MKI67: variants seen among roughly 807,000 people sequenced by gnomAD.
MKI67 encodes marker of proliferation Ki-67.
A neutral mutation model predicts 233.5 loss-of-function variants in MKI67; 152 were observed. That is an observed-to-expected ratio of 0.65 (90% CI 0.57 to 0.74). The LOEUF (loss-of-function observed/expected upper bound fraction) is 0.74. Ranked by LOEUF, MKI67 falls within the 30% of genes least tolerant of loss-of-function variation. The probability of loss-of-function intolerance (pLI) is 0.00; values close to 1 mark genes in which losing one functional copy is unlikely to be tolerated. For synonymous variants in MKI67, 1,465 were observed against 1,418.5 expected, an observed-to-expected ratio of 1.03 and a Z score of -0.74; for missense variants, 3,940 against 3,885.2, an observed-to-expected ratio of 1.01 and a Z score of -0.37.
Position 128,115,532 on chromosome 10 carries a change from T to C in MKI67, c.876A>G (p.Ser292=), listed in dbSNP as rs1216236880. ...GGCCGCTCCCACCAGATTTTGGTCT[T>C]GACTTACGCGAGACCAACAGTTGGG... ...GETQLLVSRK[S]RPKSGGSGHA... is the part of the protein sequence containing the mutation. The change falls in exon 7 of 15, where the codon TCA becomes TCG. Residue 292 remains serine (S), a synonymous_variant. Coordinates refer to ENST00000368654, the MANE Select transcript of MKI67 (RefSeq NM_002417.5). The C allele has an allele frequency of 1.9e-6, 3 of 1,614,146 alleles. No homozygotes were observed. Among genetic ancestry groups the C allele is most frequent in the Non-Finnish European group, 2.5e-6 (3 of 1,180,058 alleles).
Position 128,126,116 on chromosome 10 carries a change from G to T in MKI67, c.-107C>A, listed in dbSNP as rs115814414. 2,885 of 164,160 alleles carry T rather than the reference G, an allele frequency of 0.018. 94 individuals are homozygous for T. The highest frequency in any genetic ancestry group is 0.066 in the African/African-American group (2,762 of 41,644). 10.2% of individuals were successfully genotyped at this position (164,160 alleles called of 1,614,324 possible). ...CAGCTCACCTGGGACGATCCGGCCCGCAAGGCCACTTGTCGAACCACCGCT... is the reference window on the plus strand; with the variant it reads ...CAGCTCACCTGGGACGATCCGGCCCTCAAGGCCACTTGTCGAACCACCGCT... On this transcript the variant is annotated 5_prime_UTR_variant, in exon 1 of 15. Transcript: ENST00000368654.
chr10:128,105,329 C>T lies in MKI67; in HGVS notation c.6511G>A (p.Ala2171Thr), dbSNP rs371470223. ...RETAKQKLDP[A>T]ASVTGSKRQP... The stretch of plus-strand genomic sequence containing the variant: ...CTCTTGCTACCAGTTACACTTGCTG[C>T]TGGGTCCAGTTTCTGTTTTGCAGTT... Residue 2171 changes from alanine to threonine, a missense_variant, in exon 13 of 15, where the codon GCA becomes ACA. Ala to Thr is a moderately conservative substitution (Grantham distance 58, BLOSUM62 0). Transcript: ENST00000368654. 7 of 1,614,178 alleles carry T rather than the reference C, an allele frequency of 4.3e-6. No individual in the cohort carries two copies. The highest frequency in any genetic ancestry group is 5.1e-6 in the Non-Finnish European group (6 of 1,180,044).
rs1380337884 is a variant in MKI67 at position 128,115,721 on chromosome 10, A to G, written c.687T>C (p.Asn229=). ...AAAAGGGAGATTCATTTTTTTTGCT[A>G]TTGTCAAGACATTGTGTAGTGGGAA... ...KSVPTTQCLD[N]SKKNESPFWK... The change falls in exon 7 of 15, where the codon AAT becomes AAC. Residue 229 remains asparagine, a synonymous_variant. Transcript: ENST00000368654. The G allele has an allele frequency of 3.1e-6, 5 of 1,613,354 alleles. No homozygotes were observed. Among genetic ancestry groups the G allele is most frequent in the Non-Finnish European group, 3.4e-6 (4 of 1,179,938 alleles).
At position 128,108,745 on chromosome 10, in the gene MKI67, A is replaced by G. The variant is rs746085824; in HGVS notation, c.3095T>C (p.Val1032Ala). The change falls in exon 13 of 15, where the codon GTA (valine) becomes GCA (alanine). Residue 1032 changes from valine to alanine, a missense_variant. Coordinates refer to ENST00000368654, the MANE Select transcript of MKI67 (RefSeq NM_002417.5). ...KQQLKASLGK[V>A]GVKEELLAVG... ...TGCTAGGAGCTCTTCTTTCACACCT[A>G]CTTTCCCCAGGGATGCCTTCAACTG... 6.2e-7 allele frequency: 1 copy of G among 1,614,112 alleles called. No homozygotes were observed. Among genetic ancestry groups the G allele is most frequent in the South Asian group, 1.1e-5 (1 of 91,084 alleles).
intron 7 of MKI67, among the ~76,000 whole-genome samples, chr10:128,114,341 C>T (rs927537772): frequency 2.6e-5 from 4 of 152,178 alleles, no homozygotes; most frequent in African/African-American, 9.7e-5. Flanking sequence ...TTGGGTTGTG[C>T]GTTTCCTCAT....
rs538595074 is a variant in MKI67 at position 128,111,775 on chromosome 10, G to A, written c.2130C>T (p.His710=). 2.2e-5 allele frequency: 35 copies of A among 1,614,074 alleles called. No homozygotes were observed. The highest frequency in any genetic ancestry group is 1.2e-4 in the South Asian group (11 of 91,048). ...GEVHSQFSTG[H]ANSPCTIIIG... The stretch of plus-strand genomic sequence containing the variant: ...TTATTATGGTACAAGGAGAGTTTGC[G>A]TGGCCTGTACTAAATTGACTGTGAA... The change falls in exon 11 of 15, where the codon CAC becomes CAT. Residue 710 remains histidine, a synonymous_variant. Coordinates refer to ENST00000368654, the MANE Select transcript of MKI67 (RefSeq NM_002417.5).
chr10:128,112,768 A>C (rs1852709106), intron 8 of MKI67, among the ~76,000 whole-genome samples: 1 of 152,148 alleles, frequency 6.6e-6, no homozygotes, highest in South Asian at 2.1e-4. Context: ...GGCAGTCCAC[A>C]TGGAGGGAGG....
In MKI67 at chr10:128,105,855, G is replaced by A. The variant is rs539551575; in HGVS notation, c.5985C>T (p.Ser1995=). 22 of 1,613,964 alleles carry A rather than the reference G, an allele frequency of 1.4e-5. No homozygotes were observed. The East Asian group carries it at 2.5e-4, about 18-fold the overall frequency. ...QPDPVKTPTS[S]KQRLKISLGK... is the part of the protein sequence containing the mutation. ...CCAAGGATATCTTGAGTCGTTGCTT[G>A]GAGCTTGTTGGGGTTTTGACTGGGT... The change falls in exon 13 of 15, where the codon TCC becomes TCT. Residue 1995 remains serine (S), a synonymous_variant. Transcript: ENST00000368654.
chr10:128,114,306 T>C (rs1852746750), intron 7 of MKI67, among the ~76,000 whole-genome samples: 1 of 152,198 alleles, frequency 6.6e-6, no homozygotes, highest in South Asian at 2.1e-4. Flanking sequence ...ATAAAGGTCC[T>C]ACCTCTGCCA....
At chr10:128,110,173 T>C (rs540940250) in intron 12 of MKI67, among the ~76,000 whole-genome samples, 2 of 152,340 alleles carry the variant, frequency 1.3e-5, no homozygotes, top group South Asian at 4.1e-4. Context: ...TAACGGAGTC[T>C]TTCTTTCTAT....
Position 128,109,326 on chromosome 10 carries a change from A to G in MKI67, c.2514T>C (p.Asn838=), listed in dbSNP as rs1852617145. 1 of 1,614,040 alleles carries G rather than the reference A, an allele frequency of 6.2e-7. No homozygotes were observed. Among genetic ancestry groups the G allele is most frequent in the African/African-American group, 1.3e-5 (1 of 74,990 alleles). The change falls in exon 13 of 15, where the codon AAT becomes AAC. Residue 838 remains asparagine (N), a synonymous_variant. Transcript: ENST00000368654. ...TCCTGGGCGTTTTTGCTACGTTTCCATTTTCTCTAATACACTGCCGTCTTA... is the reference window on the plus strand; with the variant it reads ...TCCTGGGCGTTTTTGCTACGTTTCCGTTTTCTCTAATACACTGCCGTCTTA... ...PPLRRQCIRE[N]GNVAKTPRNT...
At position 128,107,407 on chromosome 10, in the gene MKI67, A is replaced by G; in HGVS notation, c.4433T>C (p.Val1478Ala). 1 of 1,605,410 alleles carries G rather than the reference A, an allele frequency of 6.2e-7. No individual in the cohort carries two copies. Among genetic ancestry groups the G allele is most frequent in the Non-Finnish European group, 8.5e-7 (1 of 1,177,062 alleles). ...GTGAGTCGTGGGCTTGTCAGTGCAT[A>G]CTGGTGTCTGGAAGAGCTCTTTCAA... Reference protein sequence around the residue: ...AGLKELFQTPVCTDKPTTHEK... With the variant: ...AGLKELFQTPACTDKPTTHEK... The change falls in exon 13 of 15, where the codon GTA becomes GCA. Residue 1478 changes from valine (V) to alanine (A), a missense_variant. Coordinates refer to ENST00000368654, the MANE Select transcript of MKI67 (RefSeq NM_002417.5).
At position 128,104,935 on chromosome 10, in the gene MKI67, C is replaced by G. The variant is rs762131178; in HGVS notation, c.6905G>C (p.Trp2302Ser). Residue 2302 changes from tryptophan (W) to serine (S), a missense_variant, in exon 13 of 15, where the codon TGG becomes TCG. Trp to Ser is a radical substitution (Grantham distance 177). Coordinates refer to ENST00000368654, the MANE Select transcript of MKI67 (RefSeq NM_002417.5). ...GGCCTTTTCCTTAGGAGTTTGTGGC[C>G]ATCTTTTGCTGCCAGGTAAATTTCC... ...LPGNLPGSKR[W>S]PQTPKEKAQA... The G allele has an allele frequency of 1.1e-5, 17 of 1,603,558 alleles. No homozygotes were observed. In the East Asian group the frequency reaches 3.6e-4, roughly 34 times the overall value.
chr10:128,114,471 T>C (rs1156958874), intron 7 of MKI67, among the ~76,000 whole-genome samples: 1 of 152,230 alleles, frequency 6.6e-6, no homozygotes, highest in African/African-American at 2.4e-5. Context: ...AAATTGTTTG[T>C]AGGACACTCT....
At position 128,105,503 on chromosome 10, in the gene MKI67, T is replaced by C. The variant is rs780301192; in HGVS notation, c.6337A>G (p.Thr2113Ala). Reference sequence around the variant, plus strand: ...GGCCGCCTCCTTGTGCTTGTTGGAGTGTCCATTGATTCTGGTGGTGGAGAT... The same window carrying C: ...GGCCGCCTCCTTGTGCTTGTTGGAGCGTCCATTGATTCTGGTGGTGGAGAT... The part of the protein sequence containing the change: ...CKSPPPESMD[T>A]PTSTRRRPKT... Residue 2113 changes from threonine to alanine, a missense_variant, in exon 13 of 15, where the codon ACT becomes GCT. Coordinates refer to ENST00000368654, the MANE Select transcript of MKI67 (RefSeq NM_002417.5). The C allele has an allele frequency of 3.1e-6, 5 of 1,614,084 alleles. No homozygotes were observed. The highest frequency in any genetic ancestry group is 4.2e-6 in the Non-Finnish European group (5 of 1,180,034).
rs1172559114 is a variant in MKI67 at position 128,104,153 on chromosome 10, TGAA to T, written c.7684_7686del (p.Phe2562del). 6.2e-7 allele frequency: 1 copy of T among 1,614,006 alleles called. No individual in the cohort carries two copies. Among genetic ancestry groups the T allele is most frequent in the Non-Finnish European group, 8.5e-7 (1 of 1,180,032 alleles). Reference sequence around the variant, plus strand: ...TGACCTGGTGCTGAGAAGAGCTCTTTGAAGTCAACCAGGTCTTCTAGAGCACGG... The same window carrying T: ...TGACCTGGTGCTGAGAAGAGCTCTTTGTCAACCAGGTCTTCTAGAGCACGG... On this transcript the variant is annotated inframe_deletion, in exon 13 of 15. Coordinates refer to ENST00000368654, the MANE Select transcript of MKI67 (RefSeq NM_002417.5).
intron 6 of MKI67, 116 bp downstream of exon 6, chr10:128,116,375 C>T (rs1313937437): frequency 1.3e-5 from 12 of 915,788 alleles, no homozygotes; most frequent in Non-Finnish European, 1.9e-5. Flanking sequence ...ACACCTCCTC[C>T]ATTTCTGACA....
rs1177273752 is a variant in MKI67, at chr10:128,097,057, T to A, written c.*2133A>T. On this transcript the variant is annotated 3_prime_UTR_variant, in exon 15 of 15. Transcript: ENST00000368654. ...GAGGCAGGAGATGGTAGGTACAGAG[T>A]TAGTGTAAGAAAGCCCAAGAGAGGC... 3.3e-5 allele frequency: 5 copies of A among 151,716 alleles called. No homozygotes were observed. Among genetic ancestry groups the A allele is most frequent in the African/African-American group, 1.2e-4 (5 of 41,208 alleles). The allele number at this position is 151,716 out of a possible 1,614,324, so 9.4% of individuals were successfully genotyped here. A position where few individuals can be genotyped will look rare whatever the true frequency, so the allele number is the denominator to read the frequency against.
rs556061283 is a variant in MKI67 at position 128,111,532 on chromosome 10, G to A, written c.2260+113C>T. On this transcript the variant is annotated intron_variant, in intron 11 of 14. Transcript: ENST00000368654. ...AAGACCCCAGAAGGGTGATTGAGTCGTTTATTTTATAATCTCTTTCACAGC... is the reference window on the plus strand; with the variant it reads ...AAGACCCCAGAAGGGTGATTGAGTCATTTATTTTATAATCTCTTTCACAGC... The A allele has an allele frequency of 2.7e-4, 263 of 985,124 alleles. No individual in the cohort carries two copies. The African/African-American group carries it at 3.3e-3, about 12-fold the overall frequency. 61.0% of individuals were successfully genotyped at this position (985,124 alleles called of 1,614,324 possible).
Sources: gnomAD v4.1 joint callset for allele counts (sites outside exome capture counted in the v4.1 genomes callset) on GRCh38, gnomAD v4.1.1 for gene constraint, MANE v1.5 for transcripts, NCBI Gene and HGNC (gene_info 2026-07-23, HGNC 2026-07-21) for gene names.